ZFHX4: variants seen among roughly 807,000 people sequenced by gnomAD.
ZFHX4 encodes the protein zinc finger homeobox protein 4.
ZFHX4 carries 56 observed loss-of-function variants against 267.6 expected under a neutral mutation model. That is an observed-to-expected ratio of 0.21 (90% CI 0.17 to 0.26). The LOEUF is 0.26. Ranked by LOEUF, ZFHX4 falls within the 10% of genes least tolerant of loss-of-function variation. The probability of loss-of-function intolerance (pLI) is 1.00; values close to 1 mark genes in which losing one functional copy is unlikely to be tolerated. For synonymous variants in ZFHX4, 1,778 were observed against 1,665.6 expected (o/e 1.07, Z -1.64); for missense variants, 4,332 against 4,420.0 (o/e 0.98, Z 0.56).
intron 4 of ZFHX4, among the ~76,000 whole-genome samples, chr8:76,785,882 A>G (rs117288458): frequency 4.4e-3 from 677 of 152,280 alleles, no homozygotes; most frequent in Non-Finnish European, 6.9e-3. Flanking sequence ...TTTTGCCAAT[A>G]AACTGGTTAT....
intron 9 of ZFHX4, 88 bp from the exon 10 acceptor site, chr8:76,850,798 T>G: frequency 7.4e-7 from 1 of 1,350,882 alleles, no homozygotes; most frequent in Non-Finnish European, 9.8e-7. Flanking sequence ...AGCAGAAGCC[T>G]TTAGAGGCTA....
At chr8:76,858,552 C>T (rs1812790114) in intron 10 of ZFHX4, among the ~76,000 whole-genome samples, 1 of 152,182 alleles carries the variant, frequency 6.6e-6, no homozygotes, top group African/African-American at 2.4e-5. Context: ...GCAGAATTAC[C>T]AGTGGGGCCC....
chr8:76,685,913 GT>G (rs1389600730), intron 1 of ZFHX4, among the ~76,000 whole-genome samples: 1 of 152,078 alleles, frequency 6.6e-6, no homozygotes, highest in Non-Finnish European at 1.5e-5. Context: ...TTTACATTTT[GT>G]TTCTAGCACT....
rs779770720 is a variant in ZFHX4 at position 76,853,755 on chromosome 8, T to C, written c.6834T>C (p.Arg2278=). The C allele has an allele frequency of 6.8e-6, 11 of 1,613,588 alleles. No homozygotes were observed. In the South Asian group the frequency reaches 1.2e-4, roughly 18 times the overall value. Residue 2278 remains arginine (R), a synonymous_variant, in exon 10 of 11, where the codon CGT becomes CGC. Coordinates refer to ENST00000651372, the MANE Select transcript of ZFHX4 (RefSeq NM_024721.5). ...RVIVVWFQNA[R]QKARKSYENQ... ...TTGTTGTATGGTTCCAGAATGCTCGTCAGAAAGCACGAAAGAGTTATGAGA... is the reference window on the plus strand; with the variant it reads ...TTGTTGTATGGTTCCAGAATGCTCGCCAGAAAGCACGAAAGAGTTATGAGA...
intron 3 of ZFHX4, among the ~76,000 whole-genome samples, chr8:76,730,760 A>G (rs1808987697): frequency 6.6e-6 from 1 of 152,150 alleles, no homozygotes; most frequent in Non-Finnish European, 1.5e-5. Flanking sequence ...TGCAAACTTA[A>G]TTAGCACCTG....
intron 3 of ZFHX4, among the ~76,000 whole-genome samples, chr8:76,760,773 T>A (rs146917119): frequency 1.7e-4 from 25 of 151,220 alleles, no homozygotes; most frequent in African/African-American, 4.9e-4. Context: ...ACAAAAAAAT[T>A]AAAAAATTAG....
chr8:76,727,370 A>G (rs1808880618), intron 3 of ZFHX4, among the ~76,000 whole-genome samples: 2 of 152,134 alleles, frequency 1.3e-5, no homozygotes, highest in South Asian at 4.1e-4. Context: ...GAGGTAAATT[A>G]TTTGTCATCT....
intron 3 of ZFHX4, among the ~76,000 whole-genome samples, chr8:76,712,006 A>G (rs1046065624): frequency 6.6e-6 from 1 of 152,194 alleles, no homozygotes; most frequent in Non-Finnish European, 1.5e-5. Flanking sequence ...TTGCTTGTTC[A>G]AAGTCAAAGC....
rs1333620210 is a variant in ZFHX4 at position 76,856,196 on chromosome 8, T to C, written c.9275T>C (p.Ile3092Thr). The change falls in exon 10 of 11, where the codon ATC becomes ACC. Residue 3092 changes from isoleucine to threonine, a missense_variant. Physicochemically the swap from Ile to Thr is moderately conservative, Grantham distance 89. This residue lies in a region of ZFHX4 where 1,648 missense variants were observed against 1,625.0 expected (regional missense o/e 1.01). Transcript: ENST00000651372. ...GMMDSSSLHGISLPTAYPGLP... is the reference protein window; with the variant it reads ...GMMDSSSLHGTSLPTAYPGLP... ...ATGGACAGCAGTTCTCTCCACGGCA[T>C]CAGCCTGCCAACAGCCTACCCCGGA... The C allele has an allele frequency of 1.2e-6, 2 of 1,613,970 alleles. No homozygotes were observed. The highest frequency in any genetic ancestry group is 4.5e-5 in the East Asian group (2 of 44,858).
At chr8:76,793,859 A>C (rs1324087931) in intron 4 of ZFHX4, among the ~76,000 whole-genome samples, 2 of 152,196 alleles carry the variant, frequency 1.3e-5, no homozygotes, top group Non-Finnish European at 2.9e-5. Context: ...ATAATTAAGT[A>C]GACAAATATA....
chr8:76,810,417 T>C (rs975174058), intron 4 of ZFHX4, among the ~76,000 whole-genome samples: 3 of 152,178 alleles, frequency 2.0e-5, no homozygotes, highest in Non-Finnish European at 4.4e-5. Context: ...CTCTCATTGA[T>C]TGAACCCTGC....
At position 76,707,808 on chromosome 8, in the gene ZFHX4, C is replaced by T; in HGVS notation, c.2853C>T (p.Asn951=). The change falls in exon 3 of 11, where the codon AAC becomes AAT. Residue 951 remains asparagine (N), a synonymous_variant. Coordinates refer to ENST00000651372, the MANE Select transcript of ZFHX4 (RefSeq NM_024721.5). ...ACCAGTGCAAGCTCTGCAACTACAACACTCAGCTCAAAGCCAACTTCCAGC... is the reference window on the plus strand; with the variant it reads ...ACCAGTGCAAGCTCTGCAACTACAATACTCAGCTCAAAGCCAACTTCCAGC... ...DIYQCKLCNY[N]TQLKANFQLH... 6.2e-7 allele frequency: 1 copy of T among 1,614,144 alleles called. No individual in the cohort carries two copies. The highest frequency in any genetic ancestry group is 8.5e-7 in the Non-Finnish European group (1 of 1,180,004).
rs564980042 is a variant in ZFHX4 at position 76,812,967 on chromosome 8, T to A, written c.3326-20371T>A. Among the ~76,000 whole-genome samples, 7 of 152,334 alleles carry A rather than the reference T, an allele frequency of 4.6e-5. No homozygotes were observed. The South Asian group carries it at 1.5e-3, about 32-fold the overall frequency. On this transcript the variant is annotated intron_variant, in intron 4 of 10. Transcript: ENST00000651372. ...TTATTATGAATGTTTAAGATAGTGATGGCAGCTGTGAGGCAAGAATTACAT... is the reference window on the plus strand; with the variant it reads ...TTATTATGAATGTTTAAGATAGTGAAGGCAGCTGTGAGGCAAGAATTACAT...
intron 4 of ZFHX4, among the ~76,000 whole-genome samples, chr8:76,780,630 A>T (rs1810522565): frequency 6.6e-6 from 1 of 152,192 alleles, no homozygotes; most frequent in Non-Finnish European, 1.5e-5. Flanking sequence ...AAACAATTCT[A>T]AAGACATGTA....
At chr8:76,788,249 G>A (rs764531172) in intron 4 of ZFHX4, among the ~76,000 whole-genome samples, 7 of 152,136 alleles carry the variant, frequency 4.6e-5, no homozygotes, top group South Asian at 2.1e-4. Flanking sequence ...TGTGTTATCC[G>A]TATTTCCAGA....
At chr8:76,825,970 T>G (rs1419740016) in intron 4 of ZFHX4, among the ~76,000 whole-genome samples, 2 of 152,170 alleles carry the variant, frequency 1.3e-5, no homozygotes, top group African/African-American at 2.4e-5. Flanking sequence ...TACCTTTGTA[T>G]GTTAGGCCGT....
chr8:76,830,550 A>G (rs1811906796), intron 4 of ZFHX4, among the ~76,000 whole-genome samples: 1 of 152,200 alleles, frequency 6.6e-6, no homozygotes, highest in African/African-American at 2.4e-5. Context: ...TAGATTCATC[A>G]TTTCATTTTG....
At position 76,704,728 on chromosome 8, in the gene ZFHX4, A is replaced by G; in HGVS notation, c.640A>G (p.Thr214Ala). 6.2e-7 allele frequency: 1 copy of G among 1,613,936 alleles called. No individual in the cohort carries two copies. The change falls in exon 2 of 11, where the codon ACC becomes GCC. Residue 214 changes from threonine (T) to alanine (A), a missense_variant. Physicochemically the swap from Thr to Ala is moderately conservative, Grantham distance 58. This residue lies in a region of ZFHX4 where 1,195 missense variants were observed against 1,173.6 expected (regional missense o/e 1.02). Coordinates refer to ENST00000651372, the MANE Select transcript of ZFHX4 (RefSeq NM_024721.5). ...PFTADQAFPN[T>A]SALAGVGPVL... ...TACAGCCGATCAGGCTTTCCCAAAT[A>G]CCTCAGCATTAGCAGGAGTTGGTCC...
intron 4 of ZFHX4, among the ~76,000 whole-genome samples, chr8:76,805,691 C>T (rs1811227364): frequency 6.6e-6 from 1 of 151,382 alleles, no homozygotes. Context: ...CACATCATGT[C>T]TCAGCAGGGA....
Sources: gnomAD v4.1 joint callset for allele counts (sites outside exome capture counted in the v4.1 genomes callset) on GRCh38, gnomAD v4.1.1 for gene constraint, gnomAD v4.1.1 regional missense constraint, MANE v1.5 for transcripts, NCBI Gene and HGNC (gene_info 2026-07-23, HGNC 2026-07-21) for gene names.